The following NCOA2 variants were observed in gnomAD, a reference collection of about 807,000 sequenced individuals.
NCOA2 encodes nuclear receptor coactivator 2.
In NCOA2, 21 loss-of-function variants were observed where a neutral mutation model predicts 145.1. That is an observed-to-expected ratio of 0.14 (90% CI 0.10 to 0.21). The LOEUF (loss-of-function observed/expected upper bound fraction) is 0.21, where lower values mean the gene tolerates loss of function less well. Ranked by LOEUF, NCOA2 falls within the 10% of genes least tolerant of loss-of-function variation. The pLI, the probability that NCOA2 is intolerant of heterozygous loss-of-function variation, is 1.00. For synonymous variants in NCOA2, 619 were observed against 637.5 expected (o/e 0.97, Z 0.44); for missense variants, 1,472 against 1,837.6 (o/e 0.80, Z 3.64).
Position 70,389,374 on chromosome 8 carries a change from G to C in NCOA2, c.-77+14326C>G, listed in dbSNP as rs192567378. ...CAGCTCACCGCAACCTCCGCCTCTGGGGTTCAAGCGATTCTCCTGCCTCAG... is the reference window on the plus strand; with the variant it reads ...CAGCTCACCGCAACCTCCGCCTCTGCGGTTCAAGCGATTCTCCTGCCTCAG... On this transcript the variant is annotated intron_variant, in intron 1 of 22. Transcript: ENST00000452400. Among the ~76,000 whole-genome samples, 1,227 of 151,882 alleles carry C rather than the reference G, an allele frequency of 8.1e-3. 22 individuals are homozygous for C. The highest frequency in any genetic ancestry group is 0.028 in the African/African-American group (1,170 of 41,398).
intron 1 of NCOA2, among the ~76,000 whole-genome samples, chr8:70,371,070 G>A (rs1170137101): frequency 2.0e-5 from 3 of 152,110 alleles, no homozygotes; most frequent in East Asian, 1.9e-4. Flanking sequence ...GGCGGATCAC[G>A]AGGTCAGGAG....
chr8:70,127,110 T>C (rs1202965101), intron 18 of NCOA2, 63 bp from the exon 19 acceptor site: 1 of 1,216,646 alleles, frequency 8.2e-7, no homozygotes, highest in Non-Finnish European at 1.2e-6. Flanking sequence ...AAAAACAAAG[T>C]GAGTATTATA....
chr8:70,394,290 G>C (rs552140996), intron 1 of NCOA2, among the ~76,000 whole-genome samples: 34 of 152,094 alleles, frequency 2.2e-4, no homozygotes, highest in Non-Finnish European at 3.8e-4. Context: ...CAAGCAGCTG[G>C]GATTACAGGT....
At chr8:70,267,500 T>C (rs1824714919) in intron 2 of NCOA2, among the ~76,000 whole-genome samples, 1 of 150,644 alleles carries the variant, frequency 6.6e-6, no homozygotes, top group South Asian at 2.1e-4. Flanking sequence ...CAGACTCAGG[T>C]GATCCTCCTG....
At chr8:70,330,335 C>T (rs980465672) in intron 1 of NCOA2, among the ~76,000 whole-genome samples, 1 of 151,814 alleles carries the variant, frequency 6.6e-6, no homozygotes, top group Non-Finnish European at 1.5e-5. Context: ...TTTGGAAGGC[C>T]AACGCAGAGG....
chr8:70,277,517 A>C (rs968153152), intron 2 of NCOA2, among the ~76,000 whole-genome samples: 2 of 152,200 alleles, frequency 1.3e-5, no homozygotes, highest in Non-Finnish European at 2.9e-5. Context: ...ATTTTAAAAT[A>C]AAATCTTTGC....
intron 11 of NCOA2, among the ~76,000 whole-genome samples, chr8:70,148,982 T>C (rs920548481): frequency 2.6e-5 from 4 of 152,114 alleles, no homozygotes; most frequent in Admixed American, 6.5e-5. Flanking sequence ...GGATTTTTTT[T>C]TTTTTAATCT....
intron 1 of NCOA2, among the ~76,000 whole-genome samples, chr8:70,301,280 C>G (rs1827466736): frequency 6.6e-6 from 1 of 152,096 alleles, no homozygotes; most frequent in African/African-American, 2.4e-5. Flanking sequence ...ATTTTCTCAG[C>G]CCAAATGTAG....
At chr8:70,198,917 T>C (rs541955655) in intron 4 of NCOA2, among the ~76,000 whole-genome samples, 31 of 152,230 alleles carry the variant, frequency 2.0e-4, no homozygotes, top group African/African-American at 7.0e-4. Context: ...TAATGGTAGC[T>C]GGCAATCTGG....
At chr8:70,440,745 A>AGAG in the NCOA2 span, among the ~76,000 whole-genome samples, 7 of 151,656 alleles carry the variant, frequency 4.6e-5, no homozygotes, top group Non-Finnish European at 7.4e-5. Context: ...AAAGAAAGAA[A>AGAG]AGAAAGAGAG....
chr8:70,207,740 G>C (rs1352608782), intron 4 of NCOA2, among the ~76,000 whole-genome samples: 1 of 151,684 alleles, frequency 6.6e-6, no homozygotes, highest in Non-Finnish European at 1.5e-5. Flanking sequence ...GGTGGGCACT[G>C]TAATCCCAGC....
chr8:70,138,407 A>T, intron 14 of NCOA2, 75 bp from the exon 15 acceptor site: 1 of 1,368,624 alleles, frequency 7.3e-7, no homozygotes, highest in South Asian at 1.6e-5. Flanking sequence ...ATATAAAGTG[A>T]AATGTCTGGT....
intron 1 of NCOA2, among the ~76,000 whole-genome samples, chr8:70,371,062 C>T (rs1021500939): frequency 1.3e-5 from 2 of 151,958 alleles, no homozygotes; most frequent in Non-Finnish European, 2.9e-5. Flanking sequence ...CCGAGTCGGG[C>T]GGATCACGAG....
intron 1 of NCOA2, among the ~76,000 whole-genome samples, chr8:70,312,536 A>G (rs1178795002): frequency 6.6e-6 from 1 of 151,804 alleles, no homozygotes; most frequent in Admixed American, 6.5e-5. Context: ...TAAAATACCA[A>G]CGGTCATTCT....
the NCOA2 span, among the ~76,000 whole-genome samples, chr8:70,441,106 GAGAGAAAGAAAGAA>G: frequency 3.0e-5 from 3 of 101,126 alleles, no homozygotes; most frequent in African/African-American, 7.3e-5. Flanking sequence ...AGAAAGAAGA[GAGAGAAAGAAAGAA>G]AGAGAAAGAA....
chr8:70,268,417 A>G (rs1216568387), intron 2 of NCOA2, among the ~76,000 whole-genome samples: 1 of 152,218 alleles, frequency 6.6e-6, no homozygotes, highest in African/African-American at 2.4e-5. Flanking sequence ...ACATGGCAAC[A>G]AACAGAAATT....
chr8:70,233,544 A>T (rs1424640351), intron 2 of NCOA2, among the ~76,000 whole-genome samples: 1 of 152,018 alleles, frequency 6.6e-6, no homozygotes, highest in Non-Finnish European at 1.5e-5. Flanking sequence ...TTCCCATATT[A>T]CCCCATTAAA....
At chr8:70,451,590 AT>A in the NCOA2 span, among the ~76,000 whole-genome samples, 9 of 150,746 alleles carry the variant, frequency 6.0e-5, no homozygotes, top group South Asian at 4.2e-4. Context: ...ATTTTAAACT[AT>A]TTTTTTTTAG....
chr8:70,217,357 C>G (rs529717427), intron 2 of NCOA2, among the ~76,000 whole-genome samples: 4 of 152,324 alleles, frequency 2.6e-5, no homozygotes, highest in African/African-American at 7.2e-5. Flanking sequence ...CCTCGGGAAG[C>G]TCCTGTGCCT....
Sources: allele counts gnomAD v4.1 joint callset (sites outside exome capture counted in the v4.1 genomes callset), GRCh38; gene constraint gnomAD v4.1.1; transcripts MANE v1.5; gene names NCBI Gene and HGNC (gene_info 2026-07-23, HGNC 2026-07-21).